EVL: variants seen among roughly 807,000 people sequenced by gnomAD.
EVL encodes the protein ena/VASP-like protein.
A neutral mutation model predicts 59.6 loss-of-function variants in EVL; 21 were observed. The observed-to-expected ratio is 0.35, with a 90% confidence interval of 0.25 to 0.51. The LOEUF (loss-of-function observed/expected upper bound fraction) is 0.51, where lower values mean the gene tolerates loss of function less well. Among genes scored for constraint, EVL ranks in the 20% least tolerant of loss-of-function variants. The pLI, the probability that EVL is intolerant of heterozygous loss-of-function variation, is 0.97. For missense variants in EVL, 462 were observed against 546.6 expected (o/e 0.85, Z 1.54); for synonymous variants, 198 against 203.5 (o/e 0.97, Z 0.23).
chr14:100,104,902 CTTTT>C (rs568203851), intron 3 of EVL, among the ~76,000 whole-genome samples: 4,234 of 99,520 alleles, frequency 0.043, 146 homozygotes, highest in African/African-American at 0.091. Context: ...CCTCTCTTTA[CTTTT>C]TTTTTTTTTT....
chr14:100,127,617 C>T lies in EVL; in HGVS notation c.487+846C>T, dbSNP rs956177513. Among the ~76,000 whole-genome samples, 2 of 152,076 alleles carry T rather than the reference C, an allele frequency of 1.3e-5. No individual in the cohort carries two copies. The highest frequency in any genetic ancestry group is 2.9e-5 in the Non-Finnish European group (2 of 68,000). ...CCTGCCCTCTCTCCCTCTAGTGCCT[C>T]GCAAGCACTTCCCATCCTTTTCCTC... On this transcript the variant is annotated intron_variant, in intron 5 of 13. Coordinates refer to ENST00000392920, the MANE Select transcript of EVL (RefSeq NM_016337.3). The surrounding 1 kb of genome is among the most constrained non-coding windows in gnomAD (Gnocchi z 4.2).
At chr14:99,981,860 G>A (rs1003876102) in intron 1 of EVL, among the ~76,000 whole-genome samples, 1 of 152,192 alleles carries the variant, frequency 6.6e-6, no homozygotes, top group Non-Finnish European at 1.5e-5. Flanking sequence ...GGTAAAAAAC[G>A]CAATACCTGT....
At chr14:100,132,049 A>G (rs983464738) in intron 7 of EVL, among the ~76,000 whole-genome samples, 12 of 152,118 alleles carry the variant, frequency 7.9e-5, no homozygotes, top group East Asian at 3.9e-4. Flanking sequence ...TCTGGGAAAC[A>G]CTGAGGGTCT....
intron 1 of EVL, among the ~76,000 whole-genome samples, chr14:100,033,114 A>G (rs2061338770): frequency 6.6e-6 from 1 of 152,180 alleles, no homozygotes; most frequent in Admixed American, 6.5e-5. Context: ...TGGATGGGAA[A>G]GATCAGCCGG....
At chr14:100,124,730 C>T (rs994357667) in intron 4 of EVL, among the ~76,000 whole-genome samples, 3 of 152,200 alleles carry the variant, frequency 2.0e-5, no homozygotes, top group Non-Finnish European at 4.4e-5. Context: ...AGCGTACAGG[C>T]GTGGATGGCT....
At chr14:100,089,113 A>G (rs2062509472) in intron 2 of EVL, among the ~76,000 whole-genome samples, 1 of 152,256 alleles carries the variant, frequency 6.6e-6, no homozygotes, top group Non-Finnish European at 1.5e-5. Context: ...CTACATTTGT[A>G]TGAATCCATT....
chr14:100,116,173 A>G (rs1349217892), intron 3 of EVL, among the ~76,000 whole-genome samples: 1 of 152,196 alleles, frequency 6.6e-6, no homozygotes, highest in African/African-American at 2.4e-5. Context: ...GCCTTGTAAC[A>G]AGAGGGAAAG....
intron 3 of EVL, among the ~76,000 whole-genome samples, chr14:100,103,621 C>G (rs879861287): frequency 1.3e-5 from 2 of 152,130 alleles, no homozygotes; most frequent in African/African-American, 2.4e-5. Flanking sequence ...CCCCCCATGC[C>G]CACCCCAGGT....
intron 1 of EVL, among the ~76,000 whole-genome samples, chr14:100,065,828 G>A (rs748267057): frequency 4.6e-5 from 7 of 152,126 alleles, no homozygotes; most frequent in Non-Finnish European, 1.0e-4. Flanking sequence ...AGCCATCTAG[G>A]GGAATTGTTG....
intron 1 of EVL, among the ~76,000 whole-genome samples, chr14:99,988,607 CAT>C (rs1208750588): frequency 2.0e-5 from 3 of 152,158 alleles, no homozygotes; most frequent in African/African-American, 7.2e-5. Context: ...GAAATTAGAA[CAT>C]ATGTCTACAC....
chr14:100,007,121 G>T (rs1249374109), intron 1 of EVL, among the ~76,000 whole-genome samples: 5 of 152,072 alleles, frequency 3.3e-5, no homozygotes, highest in Admixed American at 2.0e-4. Context: ...AGCCTCAACA[G>T]GTCCTGACGA....
chr14:100,114,013 G>A lies in EVL; in HGVS notation c.359-9526G>A, dbSNP rs1279755803. Among the ~76,000 whole-genome samples the A allele has an allele frequency of 3.3e-5, 5 of 152,162 alleles. No individual in the cohort carries two copies. The East Asian group carries it at 9.6e-4, about 29-fold the overall frequency. On this transcript the variant is annotated intron_variant, in intron 3 of 13. Coordinates refer to ENST00000392920, the MANE Select transcript of EVL (RefSeq NM_016337.3). The surrounding 1 kb of genome is among the most constrained non-coding windows in gnomAD (Gnocchi z 5.0). ...TCTGTAAGCAGACTCAGTGGGATAA[G>A]CGGAGGCAGAGAGGCCAGTTGGAGA...
intron 1 of EVL, among the ~76,000 whole-genome samples, chr14:100,056,047 C>T (rs1190215104): frequency 2.0e-5 from 3 of 151,926 alleles, no homozygotes; most frequent in African/African-American, 7.3e-5. Context: ...CCTGACCTCA[C>T]GATCCGCCCA....
chr14:99,995,054 C>T (rs965040000), intron 1 of EVL, among the ~76,000 whole-genome samples: 6 of 152,096 alleles, frequency 3.9e-5, no homozygotes, highest in Non-Finnish European at 8.8e-5. Flanking sequence ...GAAGAGTCAC[C>T]TTTCTCTTGC....
intron 1 of EVL, among the ~76,000 whole-genome samples, chr14:99,999,766 C>T (rs1012824556): frequency 4.6e-5 from 7 of 152,186 alleles, no homozygotes; most frequent in Admixed American, 1.3e-4. Context: ...ATGAAGAGGG[C>T]ATACTGTGGT....
At chr14:100,138,121 CT>C in intron 11 of EVL, 1 of 464,346 alleles carries the variant, frequency 2.2e-6, no homozygotes, top group Non-Finnish European at 3.9e-6. Flanking sequence ...CTCTCCAAGC[CT>C]CTGTTTTCCC....
chr14:99,982,483 C>G (rs531916764), intron 1 of EVL, among the ~76,000 whole-genome samples: 9 of 152,126 alleles, frequency 5.9e-5, no homozygotes, highest in African/African-American at 2.2e-4. Context: ...GAAGTTTAAT[C>G]CTAGAGGTTT....
upstream of EVL, among the ~76,000 whole-genome samples, chr14:100,061,501 G>A (rs2061833962): frequency 6.9e-6 from 1 of 145,486 alleles, no homozygotes; most frequent in African/African-American, 2.6e-5. Context: ...AAATTCAAGT[G>A]CTCGGGGATG....
chr14:100,142,515 G>A (rs1015795878), intron 13 of EVL, among the ~76,000 whole-genome samples: 2 of 152,248 alleles, frequency 1.3e-5, no homozygotes, highest in African/African-American at 2.4e-5. Flanking sequence ...CAACCAGGGT[G>A]ATAAAGGCTG....
Sources: allele counts gnomAD v4.1 joint callset (sites outside exome capture counted in the v4.1 genomes callset), GRCh38; gene constraint gnomAD v4.1.1; non-coding constraint Gnocchi (gnomAD v3.1); transcripts MANE v1.5; gene names NCBI Gene and HGNC (gene_info 2026-07-23, HGNC 2026-07-21).